CNTNAP2: variants seen among roughly 807,000 people sequenced by gnomAD.
CNTNAP2 encodes the protein contactin associated protein 2.
A neutral mutation model predicts 155.2 loss-of-function variants in CNTNAP2; 98 were observed. That is an observed-to-expected ratio of 0.63 (90% CI 0.54 to 0.75). The LOEUF is 0.75. CNTNAP2 is among the 30% of genes least tolerant of loss of function. The pLI is 0.00. For synonymous variants in CNTNAP2, 651 were observed against 631.2 expected (o/e 1.03, Z -0.47); for missense variants, 1,727 against 1,688.1 (o/e 1.02, Z -0.40).
At chr7:146,240,899 G>A (rs562932708) in intron 1 of CNTNAP2, among the ~76,000 whole-genome samples, 18 of 152,296 alleles carry the variant, frequency 1.2e-4, no homozygotes, top group African/African-American at 3.8e-4. Context: ...CGCTGTACAA[G>A]TACGGTGCTG....
At chr7:146,836,877 A>C (rs559560354) in intron 2 of CNTNAP2, among the ~76,000 whole-genome samples, 37 of 152,194 alleles carry the variant, frequency 2.4e-4, no homozygotes, top group African/African-American at 8.7e-4. Flanking sequence ...TGCTGGACAT[A>C]GAATTTCAGG....
intron 13 of CNTNAP2, among the ~76,000 whole-genome samples, chr7:147,772,571 C>T (rs558480202): frequency 1.3e-5 from 2 of 148,310 alleles, no homozygotes; most frequent in South Asian, 4.3e-4. Flanking sequence ...CTGCACAGTT[C>T]CAGTACGTGA....
At position 147,973,160 on chromosome 7, in the gene CNTNAP2, T is replaced by TAAAAAAAAAAAAAA. The variant is rs35756000; in HGVS notation, c.2256-4694_2256-4681dup. On this transcript the variant is annotated intron_variant, in intron 14 of 23. Transcript: ENST00000361727. ...CAGAGCAAGACCCTGTCTCTAAAAT[T>TAAAAAAAAAAAAAA]AAAAAAAAAAAAAAAAAAAAAGTAG... 1.2e-3 allele frequency among the ~76,000 whole-genome samples: 145 copies of TAAAAAAAAAAAAAA among 120,814 alleles called. 7 individuals are homozygous for TAAAAAAAAAAAAAA. Among genetic ancestry groups the TAAAAAAAAAAAAAA allele is most frequent in the African/African-American group, 4.2e-3 (121 of 28,926 alleles). The allele number at this position is 120,814 out of a possible 152,430, so 79.3% of individuals were successfully genotyped here. A position where few individuals can be genotyped will look rare whatever the true frequency, so the allele number is the denominator to read the frequency against.
chr7:146,209,286 C>G (rs1048905288), intron 1 of CNTNAP2, among the ~76,000 whole-genome samples: 1 of 152,142 alleles, frequency 6.6e-6, no homozygotes, highest in Non-Finnish European at 1.5e-5. Context: ...GGCTGTCTCC[C>G]TAGCCACAGG....
intron 1 of CNTNAP2, among the ~76,000 whole-genome samples, chr7:146,290,154 T>C (rs1032652142): frequency 2.0e-5 from 3 of 152,098 alleles, no homozygotes; most frequent in Non-Finnish European, 2.9e-5. Context: ...GAGGCCAAAG[T>C]TGGAAGATTG....
At chr7:146,635,803 C>A in intron 1 of CNTNAP2, among the ~76,000 whole-genome samples, 1 of 113,864 alleles carries the variant, frequency 8.8e-6, no homozygotes, top group African/African-American at 3.0e-5. Flanking sequence ...CAGGACTCAT[C>A]TCTAAAAAAA....
chr7:147,855,717 A>C (rs2116676987), intron 13 of CNTNAP2, among the ~76,000 whole-genome samples: 1 of 152,314 alleles, frequency 6.6e-6, no homozygotes, highest in South Asian at 2.1e-4. Flanking sequence ...TTGCAACATA[A>C]TTCAGCTTTC....
At chr7:147,384,539 A>G (rs1324070784) in intron 9 of CNTNAP2, among the ~76,000 whole-genome samples, 36 of 152,174 alleles carry the variant, frequency 2.4e-4, no homozygotes, top group Non-Finnish European at 4.4e-5. Context: ...TACATATATG[A>G]GGATCAAGTG....
chr7:148,262,256 A>G (rs577671214), intron 20 of CNTNAP2, among the ~76,000 whole-genome samples: 1 of 152,298 alleles, frequency 6.6e-6, no homozygotes, highest in Non-Finnish European at 1.5e-5. Flanking sequence ...GGAAGAATGG[A>G]GAACACTAAC....
At chr7:146,536,922 T>C (rs1797878161) in intron 1 of CNTNAP2, among the ~76,000 whole-genome samples, 3 of 152,178 alleles carry the variant, frequency 2.0e-5, no homozygotes, top group Admixed American at 2.0e-4. Context: ...CAAATAATTA[T>C]ACTAGAACTT....
chr7:147,057,314 A>G (rs1277443587), intron 4 of CNTNAP2, among the ~76,000 whole-genome samples: 1 of 152,070 alleles, frequency 6.6e-6, no homozygotes, highest in Non-Finnish European at 1.5e-5. Flanking sequence ...ACCTTCCATA[A>G]TGACTCTATA....
At chr7:148,351,075 C>G (rs538663238) in intron 21 of CNTNAP2, among the ~76,000 whole-genome samples, 442 of 152,294 alleles carry the variant, frequency 2.9e-3, no homozygotes, top group Non-Finnish European at 5.2e-3. Flanking sequence ...GTGGGCAAAA[C>G]AAGCATGACA....
chr7:147,650,552 G>A (rs185903932), intron 13 of CNTNAP2, among the ~76,000 whole-genome samples: 1 of 152,154 alleles, frequency 6.6e-6, no homozygotes, highest in East Asian at 1.9e-4. Flanking sequence ...ATTAGTAAAC[G>A]TATGTTCTCT....
chr7:146,664,617 A>G (rs1800155704), intron 1 of CNTNAP2, among the ~76,000 whole-genome samples: 2 of 152,204 alleles, frequency 1.3e-5, no homozygotes, highest in Admixed American at 1.3e-4. Flanking sequence ...TTTCTTTAAC[A>G]TAATTTCTCC....
intron 1 of CNTNAP2, among the ~76,000 whole-genome samples, chr7:146,751,189 A>G (rs1329998003): frequency 6.6e-6 from 1 of 152,214 alleles, no homozygotes; most frequent in Non-Finnish European, 1.5e-5. Flanking sequence ...TTGAACATTT[A>G]CAAATGCTCA....
At chr7:147,301,144 C>A (rs748689588) in intron 9 of CNTNAP2, among the ~76,000 whole-genome samples, 5 of 152,074 alleles carry the variant, frequency 3.3e-5, no homozygotes, top group East Asian at 1.9e-4. Context: ...AGGTGCCTAC[C>A]ACAGTCTACC....
chr7:146,417,063 T>G (rs1795947698), intron 1 of CNTNAP2, among the ~76,000 whole-genome samples: 1 of 152,050 alleles, frequency 6.6e-6, no homozygotes, highest in Non-Finnish European at 1.5e-5. Flanking sequence ...ATACAATAGG[T>G]TTGACATTTG....
intron 1 of CNTNAP2, among the ~76,000 whole-genome samples, chr7:146,605,025 G>A (rs1451803472): frequency 7.0e-6 from 1 of 143,674 alleles, no homozygotes; most frequent in Non-Finnish European, 1.5e-5. Flanking sequence ...GTATACATAT[G>A]TAACTAACCT....
intron 1 of CNTNAP2, among the ~76,000 whole-genome samples, chr7:146,721,880 T>C (rs1801338644): frequency 9.9e-6 from 1 of 101,122 alleles, no homozygotes; most frequent in African/African-American, 7.4e-5. Context: ...TGTGTGTATA[T>C]ATATATATAT....
Sources: gnomAD v4.1 joint callset for allele counts (sites outside exome capture counted in the v4.1 genomes callset) on GRCh38, gnomAD v4.1.1 for gene constraint, MANE v1.5 for transcripts, NCBI Gene and HGNC (gene_info 2026-07-23, HGNC 2026-07-21) for gene names.